PPEF1: variants seen among roughly 807,000 people sequenced by gnomAD.
PPEF1 encodes serine/threonine-protein phosphatase with EF-hands 1.
In PPEF1, 12 loss-of-function variants were observed where a neutral mutation model predicts 53.3. The ratio of observed to expected loss-of-function variants is 0.23; its 90% CI spans 0.14 to 0.36. The LOEUF (loss-of-function observed/expected upper bound fraction) is 0.36, where lower values mean the gene tolerates loss of function less well. Among genes scored for constraint, PPEF1 ranks in the 10% least tolerant of loss-of-function variants. PPEF1 has a pLI of 1.00. For synonymous variants in PPEF1, 165 were observed against 176.7 expected (o/e 0.93, Z 0.52); for missense variants, 334 against 490.4 (o/e 0.68, Z 3.01).
chrX:18,680,498 G>A (rs774093681), upstream of PPEF1, among the ~76,000 whole-genome samples: 4 of 95,755 alleles, frequency 4.2e-5, no homozygotes, highest in Admixed American at 1.4e-4. Context: ...GCGTGATCTC[G>A]GTTCACTGCA....
chrX:18,750,038 G>C, intron 4 of PPEF1, 86 bp downstream of exon 4: 1 of 886,916 alleles, frequency 1.1e-6, no homozygotes, highest in African/African-American at 2.0e-5. Flanking sequence ...TACCACAGCA[G>C]AGATGCATTT....
intron 2 of PPEF1, among the ~76,000 whole-genome samples, chrX:18,732,708 A>G (rs895801198): frequency 7.2e-5 from 8 of 111,634 alleles, no homozygotes; most frequent in African/African-American, 2.6e-4. Context: ...TAAAGTGTTT[A>G]CTTTTCATGA....
chrX:18,680,848 T>C (rs747321939), upstream of PPEF1, among the ~76,000 whole-genome samples: 20 of 103,418 alleles, frequency 1.9e-4, no homozygotes, highest in East Asian at 6.4e-3. Context: ...TTCCCACTTA[T>C]GAGTGAAAAC....
chrX:18,746,950 T>C (rs2045342965), intron 3 of PPEF1, among the ~76,000 whole-genome samples: 1 of 111,473 alleles, frequency 9.0e-6, no homozygotes, highest in African/African-American at 3.3e-5. Flanking sequence ...AATACACATG[T>C]GTAAGGTGCT....
At chrX:18,812,055 G>A (rs1275788286) in intron 12 of PPEF1, among the ~76,000 whole-genome samples, 1 of 111,344 alleles carries the variant, frequency 9.0e-6, no homozygotes, top group Non-Finnish European at 1.9e-5. Context: ...ATCTAAGAAG[G>A]CATTGCCTAA....
chrX:18,739,563 G>A (rs780687815), intron 3 of PPEF1, among the ~76,000 whole-genome samples: 1 of 112,272 alleles, frequency 8.9e-6, no homozygotes, highest in African/African-American at 3.2e-5. Flanking sequence ...TTGTCTCCCA[G>A]TTAGGCTACT....
intron 3 of PPEF1, among the ~76,000 whole-genome samples, chrX:18,741,579 C>G (rs1367606379): frequency 9.0e-6 from 1 of 110,551 alleles, no homozygotes; most frequent in Non-Finnish European, 1.9e-5. Context: ...ACCCATGTAA[C>G]TGGCACCTGG....
At chrX:18,715,835 T>A (rs1231823140) in intron 1 of PPEF1, among the ~76,000 whole-genome samples, 1 of 112,303 alleles carries the variant, frequency 8.9e-6, no homozygotes, top group African/African-American at 3.2e-5. Flanking sequence ...GAATTGGAAT[T>A]TATCCACATA....
At chrX:18,809,019 G>A (rs1200224081) in intron 12 of PPEF1, among the ~76,000 whole-genome samples, 1 of 110,093 alleles carries the variant, frequency 9.1e-6, no homozygotes, top group Non-Finnish European at 1.9e-5. Flanking sequence ...TGTCTATCAA[G>A]ACAGAAAAAG....
intron 1 of PPEF1, among the ~76,000 whole-genome samples, chrX:18,711,898 G>A (rs1341961367): frequency 2.7e-5 from 3 of 110,296 alleles, no homozygotes; most frequent in Non-Finnish European, 5.7e-5. Context: ...GGGATTACAG[G>A]CACAAACCAC....
At chrX:18,709,698 A>G (rs1324884836) in intron 1 of PPEF1, among the ~76,000 whole-genome samples, 1 of 110,239 alleles carries the variant, frequency 9.1e-6, no homozygotes, top group Non-Finnish European at 1.9e-5. Flanking sequence ...GGGTTTCACC[A>G]TGTTGGCCAG....
At chrX:18,753,814 T>G (rs1032597065) in intron 4 of PPEF1, among the ~76,000 whole-genome samples, 5 of 111,939 alleles carry the variant, frequency 4.5e-5, no homozygotes, top group African/African-American at 1.6e-4. Flanking sequence ...AAGAAGATAC[T>G]TTGCATGATT....
intron 10 of PPEF1, among the ~76,000 whole-genome samples, chrX:18,802,960 C>T (rs142609075): frequency 1.1e-3 from 120 of 110,622 alleles, no homozygotes; most frequent in African/African-American, 3.9e-3. Context: ...TTCTTTTTTG[C>T]GGAGACCAGC....
intron 1 of PPEF1, among the ~76,000 whole-genome samples, chrX:18,715,740 C>T (rs372676352): frequency 9.0e-6 from 1 of 111,619 alleles, no homozygotes; most frequent in East Asian, 2.8e-4. Flanking sequence ...AAGTTACACA[C>T]TCATGGGTGG....
At chrX:18,789,018 G>A (rs1402161706) in intron 9 of PPEF1, 103 bp from the exon 10 acceptor site, 1 of 979,667 alleles carries the variant, frequency 1.0e-6, no homozygotes, top group African/African-American at 1.9e-5. Flanking sequence ...TTTTTCATTG[G>A]GTTGTGGCAC....
At chrX:18,748,877 C>G (rs1192501954) in intron 3 of PPEF1, among the ~76,000 whole-genome samples, 1 of 112,006 alleles carries the variant, frequency 8.9e-6, no homozygotes, top group Non-Finnish European at 1.9e-5. Context: ...CCATCACATT[C>G]TTTAGGCCAG....
In PPEF1 at chrX:18,804,214, G is replaced by C. The variant is rs911205933; in HGVS notation, c.1251+137G>C. On this transcript the variant is annotated intron_variant, in intron 11 of 15. Transcript: ENST00000470157. ...ACCAAACAGAAACCAGAGAAGGCGA[G>C]CTTCATCTAGGTTGTTTGAAGGGGC... The C allele has an allele frequency of 2.5e-5, 13 of 528,855 alleles. No individual in the cohort carries two copies. In the African/African-American group the frequency reaches 3.0e-4, roughly 12 times the overall value. 43.6% of individuals were successfully genotyped at this position (528,855 alleles called of 1,213,427 possible).
At chrX:18,747,374 G>C (rs1245666346) in intron 3 of PPEF1, among the ~76,000 whole-genome samples, 2 of 112,193 alleles carry the variant, frequency 1.8e-5, no homozygotes, top group Non-Finnish European at 3.8e-5. Context: ...TCCATGGGTG[G>C]TTCCATATGC....
At chrX:18,749,189 T>C (rs2045390056) in intron 3 of PPEF1, among the ~76,000 whole-genome samples, 1 of 111,884 alleles carries the variant, frequency 8.9e-6, no homozygotes, top group African/African-American at 3.2e-5. Flanking sequence ...ACTGAGAGGT[T>C]CTTTGGGTAT....
Sources: gnomAD v4.1 joint callset for allele counts (sites outside exome capture counted in the v4.1 genomes callset) on GRCh38, gnomAD v4.1.1 for gene constraint, MANE v1.5 for transcripts, NCBI Gene and HGNC (gene_info 2026-07-23, HGNC 2026-07-21) for gene names.